The following NCOA3 variants were observed in gnomAD, a reference collection of about 807,000 sequenced individuals.
The protein encoded by NCOA3 is nuclear receptor coactivator 3.
A neutral mutation model predicts 158.8 loss-of-function variants in NCOA3; 51 were observed. The observed-to-expected ratio is 0.32, with a 90% CI of 0.26 to 0.41. The LOEUF is 0.41. NCOA3 is among the 10% of genes least tolerant of loss of function. The probability of loss-of-function intolerance (pLI) is 1.00; values close to 1 mark genes in which losing one functional copy is unlikely to be tolerated. For synonymous variants in NCOA3, 537 were observed against 592.4 expected (o/e 0.91, Z 1.36); for missense variants, 1,510 against 1,746.6 (o/e 0.86, Z 2.41).
chr20:47,568,526 C>T (rs2085236934), intron 1 of NCOA3, among the ~76,000 whole-genome samples: 1 of 152,090 alleles, frequency 6.6e-6, no homozygotes, highest in African/African-American at 2.4e-5. Flanking sequence ...TTATTGTGGC[C>T]TGGTGGGTAG....
intron 8 of NCOA3, 67 bp downstream of exon 8, chr20:47,628,090 G>A: frequency 1.7e-6 from 2 of 1,153,634 alleles, no homozygotes; most frequent in South Asian, 2.6e-5. Context: ...GGAAATTTTT[G>A]TAAATGTTAC....
intron 2 of NCOA3, among the ~76,000 whole-genome samples, chr20:47,586,108 G>A (rs542856781): frequency 1.3e-4 from 20 of 152,050 alleles, no homozygotes; most frequent in East Asian, 1.2e-3. Context: ...TAGTAGAGAC[G>A]GGGTTTCACC....
At position 47,635,466 on chromosome 20, in the gene NCOA3, G is replaced by A. The variant is rs752654730; in HGVS notation, c.1257G>A (p.Leu419=). Reference sequence around the variant, plus strand: ...TGCCGAGCAGCAGGGCCTATGGCTTGGCAGACCCTAGCACCACAGGGCAGA... The same window carrying A: ...TGCCGAGCAGCAGGGCCTATGGCTTAGCAGACCCTAGCACCACAGGGCAGA... ...LQMPSSRAYG[L]ADPSTTGQMS... The change falls in exon 11 of 23, where the codon TTG becomes TTA. Residue 419 remains leucine, a synonymous_variant. Coordinates refer to ENST00000371998, the MANE Select transcript of NCOA3 (RefSeq NM_181659.3). 2.5e-6 allele frequency: 4 copies of A among 1,613,864 alleles called. No homozygotes were observed. The East Asian group carries it at 8.9e-5, about 36-fold the overall frequency.
chr20:47,650,897 C>A, intron 19 of NCOA3, 85 bp from the exon 20 acceptor site: 1 of 1,280,202 alleles, frequency 7.8e-7, no homozygotes. Flanking sequence ...CTGTCTTATA[C>A]CTGGTGTATT....
At chr20:47,598,391 C>T (rs985680703) in intron 2 of NCOA3, among the ~76,000 whole-genome samples, 1 of 151,776 alleles carries the variant, frequency 6.6e-6, no homozygotes, top group African/African-American at 2.4e-5. Context: ...GTTGGAGTGC[C>T]GTGGCACAAT....
At chr20:47,637,598 C>T (rs752655630) in intron 12 of NCOA3, 50 bp from the exon 13 acceptor site, 32 of 1,462,516 alleles carry the variant, frequency 2.2e-5, no homozygotes, top group Middle Eastern at 1.8e-4. Context: ...ATGTTTATAC[C>T]TGTGTGTCTG....
chr20:47,513,010 T>G (rs1602322670), intron 1 of NCOA3, among the ~76,000 whole-genome samples: 1 of 151,426 alleles, frequency 6.6e-6, no homozygotes, highest in Non-Finnish European at 1.5e-5. Context: ...TACAAAAAAT[T>G]AGCCAGATGT....
chr20:47,602,506 G>A (rs2085879780), intron 2 of NCOA3, among the ~76,000 whole-genome samples: 1 of 152,186 alleles, frequency 6.6e-6, no homozygotes, highest in Admixed American at 6.6e-5. Flanking sequence ...AACACCTTTT[G>A]TGGTTGGTAT....
chr20:47,548,505 C>T (rs2084870758), intron 1 of NCOA3, among the ~76,000 whole-genome samples: 1 of 151,948 alleles, frequency 6.6e-6, no homozygotes, highest in Non-Finnish European at 1.5e-5. Context: ...GATCATGCCA[C>T]TGCACTCCAG....
At chr20:47,535,019 G>GTT (rs35717308) in intron 1 of NCOA3, among the ~76,000 whole-genome samples, 74 of 144,278 alleles carry the variant, frequency 5.1e-4, no homozygotes, top group South Asian at 8.8e-4. Flanking sequence ...GCCCAGGCTT[G>GTT]TTTTTTTTTT....
At chr20:47,613,742 C>T (rs547324676) in intron 2 of NCOA3, among the ~76,000 whole-genome samples, 119 of 151,818 alleles carry the variant, frequency 7.8e-4, no homozygotes, top group African/African-American at 2.6e-3. Flanking sequence ...GAAACCCCGT[C>T]TCTACTAAAA....
chr20:47,567,433 A>G (rs1313215395), intron 1 of NCOA3, among the ~76,000 whole-genome samples: 1 of 150,932 alleles, frequency 6.6e-6, no homozygotes, highest in African/African-American at 2.4e-5. Flanking sequence ...ATGTTATACT[A>G]TTGGCCCAGG....
At chr20:47,585,411 C>T (rs770667761) in intron 2 of NCOA3, among the ~76,000 whole-genome samples, 2 of 152,046 alleles carry the variant, frequency 1.3e-5, no homozygotes, top group African/African-American at 2.4e-5. Flanking sequence ...GTCTAGTTGC[C>T]GAGAAAACAA....
intron 2 of NCOA3, among the ~76,000 whole-genome samples, chr20:47,586,126 C>A (rs2085532219): frequency 6.6e-6 from 1 of 152,088 alleles, no homozygotes; most frequent in South Asian, 2.1e-4. Context: ...ACCATGTTGG[C>A]CAGGCTGGTC....
intron 1 of NCOA3, among the ~76,000 whole-genome samples, chr20:47,542,135 A>T (rs1337552170): frequency 6.7e-6 from 1 of 149,112 alleles, no homozygotes; most frequent in African/African-American, 2.5e-5. Flanking sequence ...GGCTCAAGCG[A>T]TCCTCCCACC....
intron 2 of NCOA3, among the ~76,000 whole-genome samples, chr20:47,592,913 A>G (rs2085670237): frequency 6.6e-6 from 1 of 152,194 alleles, no homozygotes; most frequent in Admixed American, 6.6e-5. Flanking sequence ...GTGGTTACTC[A>G]ACAGAAAAAT....
chr20:47,525,033 A>C (rs2084405321), intron 1 of NCOA3, among the ~76,000 whole-genome samples: 1 of 148,982 alleles, frequency 6.7e-6, no homozygotes, highest in Non-Finnish European at 1.5e-5. Context: ...TCAGCAGATA[A>C]ACAAGTGAAC....
chr20:47,531,213 C>T (rs764217979), intron 1 of NCOA3, among the ~76,000 whole-genome samples: 1 of 152,100 alleles, frequency 6.6e-6, no homozygotes, highest in Non-Finnish European at 1.5e-5. Flanking sequence ...GTGGTGGTCA[C>T]TTGTAATCCC....
rs779415493 is a variant in NCOA3, at chr20:47,625,422, G to A, written c.298G>A (p.Val100Ile). 1.9e-6 allele frequency: 3 copies of A among 1,613,810 alleles called. No homozygotes were observed. The highest frequency in any genetic ancestry group is 4.5e-5 in the East Asian group (2 of 44,840). ...SNDDDVQKADVSSTGQGVIDK... is the reference protein window; with the variant it reads ...SNDDDVQKADISSTGQGVIDK... ...TGATGATGATGTTCAAAAAGCCGATGTATCTTCTACAGGGCAGGGAGTTAT... is the reference window on the plus strand; with the variant it reads ...TGATGATGATGTTCAAAAAGCCGATATATCTTCTACAGGGCAGGGAGTTAT... Residue 100 changes from valine to isoleucine, a missense_variant, in exon 5 of 23, where the codon GTA becomes ATA. Physicochemically the swap from Val to Ile is conservative, Grantham distance 29 (BLOSUM62 3). Coordinates refer to ENST00000371998, the MANE Select transcript of NCOA3 (RefSeq NM_181659.3).
Sources: allele counts gnomAD v4.1 joint callset (sites outside exome capture counted in the v4.1 genomes callset), GRCh38; gene constraint gnomAD v4.1.1; transcripts MANE v1.5; gene names NCBI Gene and HGNC (gene_info 2026-07-23, HGNC 2026-07-21).